The following NUTM2B variants were observed in gnomAD, a reference collection of about 807,000 sequenced individuals.
The protein encoded by NUTM2B is family with sequence similarity 22, member B.
A neutral mutation model predicts 42.4 loss-of-function variants in NUTM2B; 2 were observed. The observed-to-expected ratio is 0.05, with a 90% CI of 0.02 to 0.15. NUTM2B has a LOEUF of 0.15. Ranked by LOEUF, NUTM2B falls within the 10% of genes least tolerant of loss-of-function variation. NUTM2B has a pLI of 1.00. For missense variants in NUTM2B, 58 were observed against 952.6 expected (o/e 0.06, Z 12.36); for synonymous variants, 18 against 402.4 (o/e 0.04, Z 11.43).
the NUTM2B span, among the ~76,000 whole-genome samples, chr10:79,694,512 C>T: frequency 3.9e-5 from 6 of 152,270 alleles, no homozygotes; most frequent in South Asian, 8.3e-4. Flanking sequence ...CGACAGGGTT[C>T]TCAGAAACAT....
upstream of NUTM2B, among the ~76,000 whole-genome samples, chr10:79,700,914 G>A (rs973715130): frequency 7.4e-3 from 1,122 of 152,230 alleles, 3 homozygotes; most frequent in Non-Finnish European, 0.011. Context: ...GCCAGACAAC[G>A]CCCCCTCATT....
exon 7 of NUTM2B, chr10:79,712,052 A>G (rs1455743582): frequency 7.1e-7 from 1 of 1,412,248 alleles, no homozygotes; most frequent in African/African-American, 2.1e-5. Context: ...GATGCCTTGG[A>G]TCTCCCTGGA....
Position 79,706,190 on chromosome 10 carries a change from GC to G in NUTM2B, c.532del (p.Leu178CysfsTer10), listed in dbSNP as rs1840389972. Reference sequence around the variant, plus strand: ...GGGCTCCTCCAGGCGGCCCTCTGGTGCTGTCTACCTTCCCCAGCACACCTCT... The same window carrying G: ...GGGCTCCTCCAGGCGGCCCTCTGGTGTGTCTACCTTCCCCAGCACACCTCT... On this transcript the variant is annotated frameshift_variant, in exon 2 of 7. Coordinates refer to ENST00000429828, the Ensembl canonical transcript of NUTM2B. LOFTEE classifies it high-confidence loss of function. 6.2e-7 allele frequency: 1 copy of G among 1,611,712 alleles called. No individual in the cohort carries two copies. Among genetic ancestry groups the G allele is most frequent in the African/African-American group, 1.3e-5 (1 of 74,712 alleles).
At chr10:79,692,565 A>G in the NUTM2B span, among the ~76,000 whole-genome samples, 1 of 152,192 alleles carries the variant, frequency 6.6e-6, no homozygotes, top group Non-Finnish European at 1.5e-5. Context: ...ACAGGAAGTG[A>G]CATTTCAGTT....
upstream of NUTM2B, among the ~76,000 whole-genome samples, chr10:79,700,738 G>A (rs572248462): frequency 8.1e-4 from 123 of 152,348 alleles, no homozygotes; most frequent in African/African-American, 2.8e-3. Context: ...GCCATCAACC[G>A]CCGCAACCGG....
the NUTM2B span, among the ~76,000 whole-genome samples, chr10:79,694,262 T>A: frequency 6.6e-6 from 1 of 151,942 alleles, no homozygotes; most frequent in African/African-American, 2.4e-5. Flanking sequence ...CTGGGCTTGG[T>A]GGTGCATGCC....
At chr10:79,707,135 G>A (rs1253799670) in intron 2 of NUTM2B, among the ~76,000 whole-genome samples, 4 of 131,490 alleles carry the variant, frequency 3.0e-5, no homozygotes, top group Non-Finnish European at 4.8e-5. Context: ...ATGGGGCCGG[G>A]GGGAGGAGCT....
At chr10:79,710,455 G>A (rs1463080978) in exon 5 of NUTM2B, 1 of 1,575,842 alleles carries the variant, frequency 6.3e-7, no homozygotes, top group Non-Finnish European at 8.6e-7. Flanking sequence ...AGAGGCCAGT[G>A]ACCAAGGCCC....
upstream of NUTM2B, among the ~76,000 whole-genome samples, chr10:79,698,341 TC>T (rs1185993332): frequency 6.6e-6 from 1 of 151,886 alleles, no homozygotes; most frequent in Non-Finnish European, 1.5e-5. Context: ...CCTCACCTCA[TC>T]CCCTAAACAT....
rs1183911081 is a variant in NUTM2B at position 79,711,736 on chromosome 10, C to T, written c.1888C>T (p.Gln630Ter). The change falls in exon 7 of 7, where the codon CAG becomes TAG. Residue 630 changes from glutamine to a stop codon, truncating the protein, a stop_gained. Transcript: ENST00000429828. LOFTEE classifies it low-confidence loss of function (END_TRUNC). ...GCGCCTCCCACCCTTGAAGGAGAAA[C>T]AGCATGCGAGGGCAGCCCCTAGTCG... The T allele has an allele frequency of 6.2e-7, 1 of 1,611,488 alleles. No individual in the cohort carries two copies. The highest frequency in any genetic ancestry group is 8.5e-7 in the Non-Finnish European group (1 of 1,179,684).
At chr10:79,705,007 A>C (rs1238101388) in intron 1 of NUTM2B, among the ~76,000 whole-genome samples, 2 of 151,258 alleles carry the variant, frequency 1.3e-5, no homozygotes, top group Non-Finnish European at 2.9e-5. Flanking sequence ...ATTCCCCTTG[A>C]CTAGAGACTG....
upstream of NUTM2B, among the ~76,000 whole-genome samples, chr10:79,700,521 G>A (rs1391890633): frequency 5.9e-5 from 9 of 152,366 alleles, no homozygotes; most frequent in Admixed American, 4.6e-4. Flanking sequence ...AGCTATGAAC[G>A]CTCCCGCCTT....
chr10:79,710,900 G>T (rs1156424063), intron 5 of NUTM2B, 136 bp downstream of exon 5: 18 of 1,295,548 alleles, frequency 1.4e-5, no homozygotes, highest in Non-Finnish European at 1.0e-5. Flanking sequence ...GTATGTGATT[G>T]TGTGTGTCTG....
the NUTM2B span, among the ~76,000 whole-genome samples, chr10:79,694,080 T>C: frequency 6.6e-6 from 1 of 152,174 alleles, no homozygotes; most frequent in African/African-American, 2.4e-5. Context: ...ATAGAGAAAC[T>C]AATGGAAGGT....
the NUTM2B span, among the ~76,000 whole-genome samples, chr10:79,692,874 C>T: frequency 6.6e-6 from 1 of 152,168 alleles, no homozygotes; most frequent in African/African-American, 2.4e-5. Context: ...ACTTATTACT[C>T]AAAGGATGGT....
upstream of NUTM2B, among the ~76,000 whole-genome samples, chr10:79,701,561 G>A (rs917185665): frequency 6.6e-6 from 1 of 151,902 alleles, no homozygotes; most frequent in Non-Finnish European, 1.5e-5. Context: ...TGCAGTCCCA[G>A]GGCCTCAAGT....
rs1278525142 is a variant in NUTM2B at position 79,708,522 on chromosome 10, TG to T, written c.1083-176del. ...GTCGGAGAGGCCACTTGGTAGCTTG[TG>T]TTGATGTTTGATCTTGGGGTTGTGT... On this transcript the variant is annotated intron_variant, in intron 2 of 6. Coordinates refer to ENST00000429828, the Ensembl canonical transcript of NUTM2B. 2.3e-5 allele frequency among the ~76,000 whole-genome samples: 3 copies of T among 133,324 alleles called. No individual in the cohort carries two copies. In the Admixed American group the frequency reaches 2.4e-4, roughly 11 times the overall value. 87.5% of individuals were successfully genotyped at this position (133,324 alleles called of 152,430 possible).
At chr10:79,697,915 CAA>C in the NUTM2B span, among the ~76,000 whole-genome samples, 4 of 150,472 alleles carry the variant, frequency 2.7e-5, no homozygotes, top group African/African-American at 9.8e-5. Context: ...TCCCAGAATA[CAA>C]AACACAGAAG....
At chr10:79,709,810 T>C in exon 4 of NUTM2B, 1 of 1,051,084 alleles carries the variant, frequency 9.5e-7, no homozygotes, top group Non-Finnish European at 1.2e-6. Flanking sequence ...GTTCCTGGAG[T>C]TTGAGGCTGA....
Sources: allele counts gnomAD v4.1 joint callset (sites outside exome capture counted in the v4.1 genomes callset), GRCh38; gene constraint gnomAD v4.1.1; transcripts MANE v1.5; gene names NCBI Gene and HGNC (gene_info 2026-07-23, HGNC 2026-07-21).